Variants in DLC1 observed in about 807,000 individuals in gnomAD.
The protein encoded by DLC1 is rho GTPase-activating protein 7.
Under a neutral mutation model 140.3 loss-of-function variants are expected in DLC1, and 54 were observed. That is an observed-to-expected ratio of 0.38 (90% CI 0.31 to 0.48). The LOEUF is 0.48. Ranked by LOEUF, DLC1 falls within the 20% of genes least tolerant of loss-of-function variation. DLC1 has a pLI of 0.96. For missense variants in DLC1, 2,536 were observed against 1,907.0 expected, an observed-to-expected ratio of 1.33 and a Z score of -6.14; for synonymous variants, 986 against 728.1, an observed-to-expected ratio of 1.35 and a Z score of -5.70.
chr8:13,202,009 G>A (rs899054571), intron 5 of DLC1, among the ~76,000 whole-genome samples: 8 of 148,574 alleles, frequency 5.4e-5, no homozygotes, highest in Non-Finnish European at 1.0e-4. Flanking sequence ...GCAGTGGTGC[G>A]ATCTCGGCTC....
At chr8:13,440,245 A>G (rs1798445704) in intron 2 of DLC1, among the ~76,000 whole-genome samples, 1 of 152,206 alleles carries the variant, frequency 6.6e-6, no homozygotes, top group Non-Finnish European at 1.5e-5. Context: ...ATCCATGTTG[A>G]GAGAAACAAT....
chr8:13,262,902 C>G (rs1198035394), intron 5 of DLC1, among the ~76,000 whole-genome samples: 1 of 152,210 alleles, frequency 6.6e-6, no homozygotes, highest in Non-Finnish European at 1.5e-5. Flanking sequence ...AGTTATGAAT[C>G]TCTCTTAGTA....
At chr8:13,557,941 G>C (rs1455591465) in intron 1 of DLC1, 3 of 152,200 alleles carry the variant, frequency 2.0e-5, no homozygotes, top group African/African-American at 7.2e-5. Context: ...AGAACAAGGA[G>C]AAGGTTGGAG....
chr8:13,109,998 T>A (rs1008058190), intron 7 of DLC1, among the ~76,000 whole-genome samples: 1 of 152,226 alleles, frequency 6.6e-6, no homozygotes, highest in African/African-American at 2.4e-5. Context: ...TGTCTGTGTA[T>A]AATTTTTTTC....
At position 13,305,282 on chromosome 8, in the gene DLC1, C is replaced by T. The variant is rs913551598; in HGVS notation, c.1335G>A (p.Glu445=). Residue 445 remains glutamate, a synonymous_variant, in exon 5 of 18, where the codon GAG becomes GAA. Coordinates refer to ENST00000276297, the MANE Select transcript of DLC1 (RefSeq NM_182643.3). ...ATGTCAACTTACCAGCCTTTTCCTTCTCTGAAATACCTTGAATAGCCTGAA... is the reference window on the plus strand; with the variant it reads ...ATGTCAACTTACCAGCCTTTTCCTTTTCTGAAATACCTTGAATAGCCTGAA... ...PKTTAIQGIS[E]KEKAEIEAKE... 1.9e-6 allele frequency: 3 copies of T among 1,607,386 alleles called. No homozygotes were observed. The highest frequency in any genetic ancestry group is 2.5e-6 in the Non-Finnish European group (3 of 1,176,900).
At chr8:13,125,358 C>T (rs1821463303) in intron 5 of DLC1, among the ~76,000 whole-genome samples, 2 of 152,182 alleles carry the variant, frequency 1.3e-5, no homozygotes, top group South Asian at 4.1e-4. Flanking sequence ...AAACCAATGA[C>T]GTTTGCTTCT....
chr8:13,588,299 GGT>G, intron 1 of DLC1, among the ~76,000 whole-genome samples: 1 of 152,058 alleles, frequency 6.6e-6, no homozygotes, highest in Non-Finnish European at 1.5e-5. Context: ...TAGCCTACTG[GGT>G]GGATTACCGA....
At chr8:13,232,783 T>C (rs17127394) in intron 5 of DLC1, among the ~76,000 whole-genome samples, 3,182 of 152,316 alleles carry the variant, frequency 0.021, 201 homozygotes, top group Admixed American at 0.13. Flanking sequence ...CAAATACAAA[T>C]CATTTCATCC....
intron 2 of DLC1, among the ~76,000 whole-genome samples, chr8:13,429,493 A>ATATAGTG (rs1464386833): frequency 2.0e-5 from 3 of 152,212 alleles, no homozygotes; most frequent in Non-Finnish European, 4.4e-5. Flanking sequence ...AAAACCACGG[A>ATATAGTG]TATAGTGTAG....
rs541288847 is a variant in DLC1, at chr8:13,591,577, A to G, written c.-126+12960T>C. ...CTTCATAAATTACCCAGTCTTGGGT[A>G]TTTCTTCATAGCAGCATGAGAACAG... On this transcript the variant is annotated intron_variant, in intron 1 of 1. Transcript: ENST00000631382. 2.0e-5 allele frequency among the ~76,000 whole-genome samples: 3 copies of G among 152,224 alleles called. 1 individual carries two copies. In the South Asian group the frequency reaches 6.2e-4, roughly 32 times the overall value.
At chr8:13,412,046 A>T (rs187538257) in intron 2 of DLC1, among the ~76,000 whole-genome samples, 169 of 152,314 alleles carry the variant, frequency 1.1e-3, no homozygotes, top group African/African-American at 3.9e-3. Context: ...AAAGATTGAT[A>T]AATGTTAAAA....
chr8:13,575,124 C>G (rs184857163), intron 1 of DLC1, among the ~76,000 whole-genome samples: 33 of 152,256 alleles, frequency 2.2e-4, no homozygotes, highest in Admixed American at 1.9e-3. Flanking sequence ...AACTGGCAGT[C>G]AACTCAAATT....
intron 5 of DLC1, among the ~76,000 whole-genome samples, chr8:13,219,143 T>G (rs1828400999): frequency 8.8e-6 from 1 of 113,028 alleles, no homozygotes; most frequent in African/African-American, 3.7e-5. Context: ...TATGTGAATA[T>G]AATTATATAA....
intron 1 of DLC1, among the ~76,000 whole-genome samples, chr8:13,552,982 T>C (rs1268199727): frequency 2.6e-5 from 4 of 151,422 alleles, no homozygotes; most frequent in African/African-American, 9.7e-5. Flanking sequence ...AAATTTAGCT[T>C]TCATTGGTTA....
intron 2 of DLC1, among the ~76,000 whole-genome samples, chr8:13,434,094 C>T (rs289615): frequency 3.9e-5 from 6 of 152,136 alleles, no homozygotes; most frequent in Non-Finnish European, 7.3e-5. Flanking sequence ...ACAGGCTTGT[C>T]GCGAACTTCT....
intron 1 of DLC1, among the ~76,000 whole-genome samples, chr8:13,507,507 T>G (rs746899797): frequency 6.6e-6 from 1 of 152,210 alleles, no homozygotes; most frequent in African/African-American, 2.4e-5. Context: ...GGATAAACAT[T>G]TAATAACATG....
At position 13,085,826 on chromosome 8, in the gene DLC1, G is replaced by A. The variant is rs767728692; in HGVS notation, c.4572C>T (p.Asp1524=). The A allele has an allele frequency of 3.1e-6, 5 of 1,614,160 alleles. No homozygotes were observed. In the South Asian group the frequency reaches 3.3e-5, roughly 11 times the overall value. Residue 1524 remains aspartate (D), a synonymous_variant, in exon 18 of 18, where the codon GAC becomes GAT. Coordinates refer to ENST00000276297, the MANE Select transcript of DLC1 (RefSeq NM_182643.3). ...GCTTCAGTGATCACCTAGATTTGGT[G>A]TCTTTGGTTTCAGTGTTCTGGTTAC... is the stretch of plus-strand genomic sequence containing the variant. ...SFSNQNTETK[D]TKSR
chr8:13,242,000 A>T (rs1829564277), intron 5 of DLC1, among the ~76,000 whole-genome samples: 3 of 152,004 alleles, frequency 2.0e-5, no homozygotes, highest in African/African-American at 7.3e-5. Context: ...AAATGTGGGG[A>T]TTATCCATGG....
chr8:13,329,815 C>T (rs1006517281), intron 4 of DLC1, among the ~76,000 whole-genome samples: 3 of 152,144 alleles, frequency 2.0e-5, no homozygotes, highest in Non-Finnish European at 4.4e-5. Context: ...TTTGTCCTCT[C>T]TATACCAGTG....
Sources: gnomAD v4.1 joint callset for allele counts (sites outside exome capture counted in the v4.1 genomes callset) on GRCh38, gnomAD v4.1.1 for gene constraint, MANE v1.5 for transcripts, NCBI Gene and HGNC (gene_info 2026-07-23, HGNC 2026-07-21) for gene names.